The following ZDHHC11 variants were observed in gnomAD, a reference collection of about 807,000 sequenced individuals.
ZDHHC11 encodes palmitoyltransferase ZDHHC11.
A neutral mutation model predicts 51.3 loss-of-function variants in ZDHHC11; 44 were observed. The observed-to-expected ratio is 0.86, with a 90% confidence interval of 0.67 to 1.10. The LOEUF is 1.10. Ranked by LOEUF, ZDHHC11 falls within the 50% of genes least tolerant of loss-of-function variation. The pLI, the probability that ZDHHC11 is intolerant of heterozygous loss-of-function variation, is 0.00. For synonymous variants in ZDHHC11, 163 were observed against 222.0 expected (o/e 0.73, Z 2.36); for missense variants, 400 against 537.7 (o/e 0.74, Z 2.53).
At chr5:837,070 C>G (rs1332630712) in intron 6 of ZDHHC11, among the ~76,000 whole-genome samples, 1 of 152,014 alleles carries the variant, frequency 6.6e-6, no homozygotes, top group East Asian at 1.9e-4. Context: ...AAAAAAGATG[C>G]AAAAAGCACA....
chr5:812,848 C>T (rs1377800430), intron 11 of ZDHHC11, among the ~76,000 whole-genome samples: 1 of 150,964 alleles, frequency 6.6e-6, no homozygotes, highest in African/African-American at 2.4e-5. Flanking sequence ...GGTGAATTTC[C>T]TGACAAGAAT....
rs1434009807 is a variant in ZDHHC11, at chr5:825,187, G to T, written c.1000C>A (p.Gln334Lys). The T allele has an allele frequency of 6.2e-7, 1 of 1,612,790 alleles. No homozygotes were observed. The highest frequency in any genetic ancestry group is 8.5e-7 in the Non-Finnish European group (1 of 1,179,154). The change falls in exon 8 of 13, where the codon CAG (glutamine) becomes AAG (lysine). Residue 334 changes from glutamine to lysine, a missense_variant. Gln to Lys is a moderately conservative substitution (Grantham distance 53). Coordinates refer to ENST00000283441, the MANE Select transcript of ZDHHC11 (RefSeq NM_024786.3). ...ACCCGTGCCGTCGAATCCCCATCCTGGTTTACTGAAGTGCAGAAGTGACAT... is the reference window on the plus strand; with the variant it reads ...ACCCGTGCCGTCGAATCCCCATCCTTGTTTACTGAAGTGCAGAAGTGACAT... ...HLCHFCTSVN[Q>K]DGDSTAREGD...
At chr5:817,469 T>G (rs1312666744) in intron 10 of ZDHHC11, among the ~76,000 whole-genome samples, 2 of 151,594 alleles carry the variant, frequency 1.3e-5, no homozygotes, top group African/African-American at 2.4e-5. Context: ...ATATCTCACT[T>G]GGGGAAAACT....
At chr5:814,646 C>T in intron 11 of ZDHHC11, 115 bp downstream of exon 11, 1 of 1,161,566 alleles carries the variant, frequency 8.6e-7, no homozygotes, top group Non-Finnish European at 1.2e-6. Flanking sequence ...TCTACTTTCC[C>T]TTATGTCATC....
At chr5:849,232 CA>C (rs1219978542) in intron 1 of ZDHHC11, among the ~76,000 whole-genome samples, 7 of 152,270 alleles carry the variant, frequency 4.6e-5, no homozygotes, top group African/African-American at 1.7e-4. Flanking sequence ...CCTTTTGGTT[CA>C]TCCCTGTTGG....
intron 12 of ZDHHC11, among the ~76,000 whole-genome samples, chr5:798,880 T>G (rs1277400456): frequency 2.0e-5 from 3 of 152,186 alleles, no homozygotes; most frequent in Non-Finnish European, 4.4e-5. Context: ...TCAAAAATAA[T>G]GCAAATGATA....
intron 4 of ZDHHC11, chr5:841,506 CTTA>C (rs1267646365): frequency 1.0e-6 from 1 of 994,338 alleles, no homozygotes; most frequent in African/African-American, 1.8e-5. Context: ...CCATCCCTTC[CTTA>C]TTTAGTGCCA....
At chr5:848,006 A>G (rs1294483863) in intron 2 of ZDHHC11, among the ~76,000 whole-genome samples, 2 of 151,412 alleles carry the variant, frequency 1.3e-5, no homozygotes, top group Non-Finnish European at 2.9e-5. Flanking sequence ...TGCAGCTGAC[A>G]ACAGCCCTGT....
intron 1 of ZDHHC11, among the ~76,000 whole-genome samples, chr5:856,603 GC>G (rs1223073736): frequency 7.0e-6 from 1 of 143,346 alleles, no homozygotes; most frequent in Non-Finnish European, 1.5e-5. Flanking sequence ...CACACCTCAC[GC>G]CACACATATG....
Position 837,346 on chromosome 5 carries a change from G to A in ZDHHC11, c.900+19C>T, listed in dbSNP as rs762674091. On this transcript the variant is annotated intron_variant, in intron 6 of 12. Coordinates refer to ENST00000283441, the MANE Select transcript of ZDHHC11 (RefSeq NM_024786.3). ...ATTGTCCCAGGCCTGGAGAAATGGA[G>A]CAGAGAGACAGGTGGTACCTGGAGA... 1.2e-6 allele frequency: 2 copies of A among 1,613,572 alleles called. No homozygotes were observed. Among genetic ancestry groups the A allele is most frequent in the South Asian group, 2.2e-5 (2 of 91,076 alleles).
Position 819,537 on chromosome 5 carries a change from GC to G in ZDHHC11, c.1133del (p.Gly378AlafsTer26). 1 of 1,609,672 alleles carries G rather than the reference GC, an allele frequency of 6.2e-7. No individual in the cohort carries two copies. Among genetic ancestry groups the G allele is most frequent in the Non-Finnish European group, 8.5e-7 (1 of 1,176,510 alleles). ...QFSTRVHPDG[G>X]SMAQEADDAP... ...GATTGCAACTTACCTGTGCCATCGA[GC>G]CCCCGTCTGGGTGTACACGAGTGGA... On this transcript the variant is annotated frameshift_variant, in exon 10 of 13. Coordinates refer to ENST00000283441, the MANE Select transcript of ZDHHC11 (RefSeq NM_024786.3). LOFTEE classifies it high-confidence loss of function.
intron 11 of ZDHHC11, among the ~76,000 whole-genome samples, chr5:803,155 G>A (rs1399400678): frequency 2.6e-5 from 4 of 151,404 alleles, no homozygotes; most frequent in Admixed American, 2.6e-4. Flanking sequence ...GCAGCTGGCT[G>A]ATGTCACAGT....
chr5:802,827 A>G (rs1243242555), intron 11 of ZDHHC11, among the ~76,000 whole-genome samples: 5 of 35,802 alleles, frequency 1.4e-4, no homozygotes, highest in East Asian at 1.3e-3. Flanking sequence ...CAAAAATACA[A>G]AAAAAAAAAA....
At chr5:819,913 T>TGCGAGA (rs1443800340) in intron 9 of ZDHHC11, among the ~76,000 whole-genome samples, 1 of 151,294 alleles carries the variant, frequency 6.6e-6, no homozygotes, top group Non-Finnish European at 1.5e-5. Context: ...GGTAGTGTCC[T>TGCGAGA]CCGTTAGTGT....
At chr5:802,283 A>C (rs2150283191) in intron 11 of ZDHHC11, among the ~76,000 whole-genome samples, 1 of 151,518 alleles carries the variant, frequency 6.6e-6, no homozygotes, top group African/African-American at 2.4e-5. Flanking sequence ...GAGAAGTGCT[A>C]GGAAAAAATG....
chr5:805,078 T>C (rs1229940586), intron 11 of ZDHHC11, among the ~76,000 whole-genome samples: 11 of 151,440 alleles, frequency 7.3e-5, no homozygotes, highest in African/African-American at 1.2e-4. Flanking sequence ...AAAGATGTAA[T>C]CAATGACAAC....
chr5:828,749 G>A (rs1579665837), intron 7 of ZDHHC11, among the ~76,000 whole-genome samples: 1 of 149,156 alleles, frequency 6.7e-6, no homozygotes, highest in African/African-American at 2.5e-5. Flanking sequence ...TCATATAATA[G>A]GCCACAAAAC....
rs1047472282 is a variant in ZDHHC11, at chr5:850,534, G to A, written c.69C>T (p.Val23=). ...TCACTCTGGAGATGCGGGGCGGCAA[G>A]ACCAGCTTTTCATTATTGAGTATGG... ...PEAILNNEKL[V]LPPRISRVNG... is the part of the protein sequence containing the mutation. Residue 23 remains valine (V), a synonymous_variant, in exon 1 of 13, where the codon GTC becomes GTT. Transcript: ENST00000283441. 4 of 1,613,806 alleles carry A rather than the reference G, an allele frequency of 2.5e-6. No individual in the cohort carries two copies. Among genetic ancestry groups the A allele is most frequent in the Admixed American group, 3.3e-5 (2 of 60,036 alleles).
chr5:859,106 G>A (rs541597032), upstream of ZDHHC11, among the ~76,000 whole-genome samples: 2 of 152,192 alleles, frequency 1.3e-5, no homozygotes, highest in Admixed American at 6.5e-5. Flanking sequence ...GGACTCGGGT[G>A]GAGGTGAAAT....
Sources: gnomAD v4.1 joint callset for allele counts (sites outside exome capture counted in the v4.1 genomes callset) on GRCh38, gnomAD v4.1.1 for gene constraint, MANE v1.5 for transcripts, NCBI Gene and HGNC (gene_info 2026-07-23, HGNC 2026-07-21) for gene names.